The following GRID2 variants were observed in gnomAD, a reference collection of about 807,000 sequenced individuals.
GRID2 encodes the protein glutamate receptor ionotropic, delta-2.
GRID2 carries 33 observed loss-of-function variants against 114.8 expected under a neutral mutation model. The observed-to-expected ratio is 0.29, with a 90% CI of 0.22 to 0.38. The LOEUF is 0.38. Among genes scored for constraint, GRID2 ranks in the 10% least tolerant of loss-of-function variants. GRID2 has a pLI of 1.00. For missense variants in GRID2, 1,184 were observed against 1,257.7 expected, an observed-to-expected ratio of 0.94 and a Z score of 0.89; for synonymous variants, 505 against 449.9, an observed-to-expected ratio of 1.12 and a Z score of -1.55.
At chr4:93,317,982 G>C (rs1379574736) in intron 8 of GRID2, among the ~76,000 whole-genome samples, 3 of 51,274 alleles carry the variant, frequency 5.9e-5, no homozygotes, top group African/African-American at 1.9e-4. Context: ...CCCTTTAAAA[G>C]TGAAATATAT....
chr4:93,105,317 C>T (rs1179911649), intron 3 of GRID2, among the ~76,000 whole-genome samples: 12 of 152,064 alleles, frequency 7.9e-5, no homozygotes, highest in Non-Finnish European at 1.3e-4. Flanking sequence ...TTTACTTAGA[C>T]CCCATTTGTC....
chr4:93,637,124 G>C (rs955187652), intron 14 of GRID2, among the ~76,000 whole-genome samples: 2 of 152,108 alleles, frequency 1.3e-5, no homozygotes, highest in East Asian at 3.9e-4. Flanking sequence ...ATAGACACAA[G>C]AAAATGTAGC....
At chr4:92,871,260 T>A (rs569979466) in intron 2 of GRID2, among the ~76,000 whole-genome samples, 183 of 152,156 alleles carry the variant, frequency 1.2e-3, no homozygotes, top group African/African-American at 4.2e-3. Flanking sequence ...TTTTTTTTTT[T>A]AAAAGAACTA....
chr4:93,266,973 A>G (rs1750909674), intron 8 of GRID2, among the ~76,000 whole-genome samples: 1 of 106,522 alleles, frequency 9.4e-6, no homozygotes, highest in Non-Finnish European at 1.7e-5. Context: ...TCCAGTGTCT[A>G]TTATTCCACA....
At chr4:92,387,105 T>G (rs1730000380) in intron 1 of GRID2, among the ~76,000 whole-genome samples, 1 of 151,938 alleles carries the variant, frequency 6.6e-6, no homozygotes, top group African/African-American at 2.4e-5. Flanking sequence ...AATAGAATTA[T>G]CTGTTGATTT....
chr4:93,415,237 A>G (rs1767590280), intron 9 of GRID2, among the ~76,000 whole-genome samples: 1 of 152,100 alleles, frequency 6.6e-6, no homozygotes, highest in Non-Finnish European at 1.5e-5. Context: ...TATATCTCGA[A>G]TGTATTTCTT....
chr4:93,468,611 G>T (rs1724512155), intron 11 of GRID2, among the ~76,000 whole-genome samples: 1 of 152,056 alleles, frequency 6.6e-6, no homozygotes, highest in African/African-American at 2.4e-5. Context: ...CAAAGGTTCT[G>T]CTTGAAGAGG....
chr4:92,991,751 A>G (rs1754918500), intron 2 of GRID2, among the ~76,000 whole-genome samples: 1 of 152,192 alleles, frequency 6.6e-6, no homozygotes, highest in African/African-American at 2.4e-5. Flanking sequence ...ACTAAAAAGT[A>G]TCAGGAGACT....
At chr4:93,430,703 G>A (rs1393476782) in intron 10 of GRID2, among the ~76,000 whole-genome samples, 2 of 152,226 alleles carry the variant, frequency 1.3e-5, no homozygotes, top group Admixed American at 1.3e-4. Flanking sequence ...GAGAAACACA[G>A]AGGTTAAACT....
chr4:92,417,270 A>G (rs915973736), intron 1 of GRID2, among the ~76,000 whole-genome samples: 5 of 152,172 alleles, frequency 3.3e-5, no homozygotes, highest in Non-Finnish European at 7.4e-5. Flanking sequence ...GTATAAATAT[A>G]AGTAACGGAG....
intron 1 of GRID2, among the ~76,000 whole-genome samples, chr4:92,436,570 C>T (rs1241586644): frequency 6.6e-6 from 1 of 151,516 alleles, no homozygotes; most frequent in African/African-American, 2.4e-5. Context: ...TTTTGTTTTT[C>T]TAACTGTGAA....
chr4:93,469,441 ATTT>A (rs1054680343), intron 11 of GRID2, among the ~76,000 whole-genome samples: 1 of 151,884 alleles, frequency 6.6e-6, no homozygotes, highest in African/African-American at 2.4e-5. Context: ...TAAATTGAAT[ATTT>A]TTATTATTTT....
intron 2 of GRID2, among the ~76,000 whole-genome samples, chr4:93,070,845 G>C (rs1232149412): frequency 1.3e-5 from 2 of 152,116 alleles, no homozygotes; most frequent in Non-Finnish European, 2.9e-5. Flanking sequence ...GACTGTACTT[G>C]ATATATCACT....
intron 1 of GRID2, among the ~76,000 whole-genome samples, chr4:92,354,337 T>C (rs2110189465): frequency 6.6e-6 from 1 of 152,074 alleles, no homozygotes; most frequent in South Asian, 2.1e-4. Context: ...ACAAATTTGG[T>C]TTTGATAGTT....
At chr4:92,857,685 G>A (rs1478920211) in intron 2 of GRID2, among the ~76,000 whole-genome samples, 1 of 152,208 alleles carries the variant, frequency 6.6e-6, no homozygotes, top group Non-Finnish European at 1.5e-5. Flanking sequence ...AAGTTTTCAT[G>A]TAGAAGCTGC....
intron 2 of GRID2, among the ~76,000 whole-genome samples, chr4:92,709,699 T>C (rs11945308): frequency 2.6e-5 from 4 of 151,118 alleles, no homozygotes; most frequent in African/African-American, 9.7e-5. Context: ...TTGTATTAAG[T>C]CTTTTCCTTA....
intron 8 of GRID2, among the ~76,000 whole-genome samples, chr4:93,316,324 GAAAGAAAGAAAGAAA>G (rs1560490840): frequency 1.4e-3 from 70 of 49,632 alleles, no homozygotes; most frequent in East Asian, 0.014. Context: ...AAGAAAGAAA[GAAAGAAAGAAAGAAA>G]GAAGGAAGGA....
At chr4:93,054,223 T>A (rs1248031335) in intron 2 of GRID2, among the ~76,000 whole-genome samples, 1 of 151,892 alleles carries the variant, frequency 6.6e-6, no homozygotes, top group African/African-American at 2.4e-5. Context: ...TTATTAAAAC[T>A]ATGAAAAAAA....
intron 8 of GRID2, among the ~76,000 whole-genome samples, chr4:93,349,106 A>T (rs1364731666): frequency 6.6e-6 from 1 of 152,160 alleles, no homozygotes; most frequent in Non-Finnish European, 1.5e-5. Flanking sequence ...CAAGGAGAAT[A>T]CTAATGCCTC....
Sources: allele counts gnomAD v4.1 joint callset (sites outside exome capture counted in the v4.1 genomes callset), GRCh38; gene constraint gnomAD v4.1.1; transcripts MANE v1.5; gene names NCBI Gene and HGNC (gene_info 2026-07-23, HGNC 2026-07-21).